TRPM3: variants seen among roughly 807,000 people sequenced by gnomAD.
TRPM3 encodes long transient receptor potential channel 3.
Under a neutral mutation model 181.2 loss-of-function variants are expected in TRPM3, and 77 were observed. The observed-to-expected ratio is 0.42, with a 90% CI of 0.35 to 0.51. The LOEUF (loss-of-function observed/expected upper bound fraction) is 0.51. Ranked by LOEUF, TRPM3 falls within the 20% of genes least tolerant of loss-of-function variation. TRPM3 has a pLI of 0.01. For synonymous variants in TRPM3, 745 were observed against 796.4 expected (o/e 0.94, Z 1.09); for missense variants, 1,759 against 2,196.7 (o/e 0.80, Z 3.98).
chr9:70,887,586 G>C (rs1232305839), intron 1 of TRPM3, among the ~76,000 whole-genome samples: 3 of 152,156 alleles, frequency 2.0e-5, no homozygotes, highest in African/African-American at 7.2e-5. Context: ...GGTATGATAA[G>C]AAGAGGCTTC....
chr9:70,547,158 T>C (rs928710965), intron 25 of TRPM3, among the ~76,000 whole-genome samples: 2 of 152,234 alleles, frequency 1.3e-5, no homozygotes, highest in South Asian at 2.1e-4. Flanking sequence ...CTTAATGTTG[T>C]TGATTTCAAA....
At chr9:70,613,751 G>A (rs911942154) in intron 18 of TRPM3, among the ~76,000 whole-genome samples, 5 of 152,184 alleles carry the variant, frequency 3.3e-5, no homozygotes, top group African/African-American at 9.7e-5. Flanking sequence ...AGTAAACAAC[G>A]TCAGGGTCTA....
intron 19 of TRPM3, among the ~76,000 whole-genome samples, chr9:70,609,277 A>T (rs2061667420): frequency 3.9e-5 from 6 of 152,226 alleles, no homozygotes; most frequent in Admixed American, 3.9e-4. Context: ...TGTTTTCTGC[A>T]AGGTTAAAAA....
intron 1 of TRPM3, among the ~76,000 whole-genome samples, chr9:70,966,724 C>T (rs1481658518): frequency 1.3e-5 from 2 of 151,910 alleles, no homozygotes; most frequent in African/African-American, 2.4e-5. Context: ...GGGAACACCA[C>T]ACATTGGGGT....
chr9:70,664,393 T>C (rs528922692), intron 9 of TRPM3, among the ~76,000 whole-genome samples: 4 of 152,274 alleles, frequency 2.6e-5, no homozygotes, highest in Admixed American at 2.0e-4. Flanking sequence ...ATTGAGGCTT[T>C]CTTTTCAGAC....
At position 71,292,789 on chromosome 9, in the gene TRPM3, T is replaced by A. The variant is rs1001577211; in HGVS notation, c.183+153864A>T. ...AAAGGGGAGAAATACTTCTACAAAT[T>A]TTTTACAAGTCTAACTTTTGATACT... On this transcript the variant is annotated intron_variant, in intron 1 of 24. Transcript: ENST00000357533. Among the ~76,000 whole-genome samples, 15 of 151,976 alleles carry A rather than the reference T, an allele frequency of 9.9e-5. No homozygotes were observed. The South Asian group carries it at 2.9e-3, about 29-fold the overall frequency.
At chr9:71,246,084 G>C (rs531046323) in intron 1 of TRPM3, among the ~76,000 whole-genome samples, 80 of 152,126 alleles carry the variant, frequency 5.3e-4, no homozygotes, top group Non-Finnish European at 9.8e-4. Context: ...CTTGGATTGG[G>C]GGTTTGGGAA....
chr9:70,932,650 G>T (rs1468922234), intron 1 of TRPM3, among the ~76,000 whole-genome samples: 3 of 152,170 alleles, frequency 2.0e-5, no homozygotes, highest in Non-Finnish European at 4.4e-5. Context: ...CAGGCTGAGA[G>T]AAACAGCATG....
At chr9:71,154,535 A>G (rs560381704) in intron 1 of TRPM3, among the ~76,000 whole-genome samples, 2 of 152,244 alleles carry the variant, frequency 1.3e-5, no homozygotes, top group South Asian at 2.1e-4. Context: ...TGGGTAGACT[A>G]AAACACAACT....
intron 1 of TRPM3, among the ~76,000 whole-genome samples, chr9:71,407,347 A>G (rs1413332946): frequency 2.0e-5 from 3 of 152,170 alleles, no homozygotes; most frequent in Admixed American, 1.3e-4. Context: ...GACAGCTGGT[A>G]CCTGGAAAAC....
At chr9:71,178,680 G>A (rs1487249281) in intron 1 of TRPM3, among the ~76,000 whole-genome samples, 1 of 152,110 alleles carries the variant, frequency 6.6e-6, no homozygotes, top group Non-Finnish European at 1.5e-5. Context: ...TAAAACGCAG[G>A]AAAATTCTGA....
intron 8 of TRPM3, among the ~76,000 whole-genome samples, chr9:70,738,712 TAAAC>T: frequency 6.6e-6 from 1 of 152,266 alleles, no homozygotes; most frequent in East Asian, 1.9e-4. Flanking sequence ...TTTGAAAAGA[TAAAC>T]AAAATTGACA....
At chr9:70,824,924 C>T (rs950215155) in intron 6 of TRPM3, 1 of 152,138 alleles carries the variant, frequency 6.6e-6, no homozygotes, top group African/African-American at 2.4e-5. Context: ...TCTCAGTGAG[C>T]ATTTTTTGCT....
chr9:71,200,231 TGA>T (rs2078687681), intron 1 of TRPM3, among the ~76,000 whole-genome samples: 1 of 152,102 alleles, frequency 6.6e-6, no homozygotes, highest in Admixed American at 6.6e-5. Context: ...CACTGTGGTC[TGA>T]GAGACAGTTT....
intron 1 of TRPM3, among the ~76,000 whole-genome samples, chr9:71,335,539 G>A (rs958221841): frequency 6.6e-6 from 1 of 151,968 alleles, no homozygotes; most frequent in Non-Finnish European, 1.5e-5. Context: ...TCACTGATAT[G>A]AAACAATTCT....
rs1201484604 is a variant in TRPM3 at position 70,533,553 on chromosome 9, AC to A, written c.*2399del. 1 of 152,094 alleles carries A rather than the reference AC, an allele frequency of 6.6e-6. No homozygotes were observed. Among genetic ancestry groups the A allele is most frequent in the Non-Finnish European group, 1.5e-5 (1 of 68,004 alleles). The allele number at this position is 152,094 out of a possible 1,614,324, so 9.4% of individuals were successfully genotyped here. ...TCAATATAGAACCAGGGGCTCATGA[AC>A]CCTTTCAAGTTATATTGCAACTTTG... On this transcript the variant is annotated 3_prime_UTR_variant, in exon 26 of 26. Transcript: ENST00000677713.
At chr9:70,822,546 G>A (rs1403283090) in intron 6 of TRPM3, among the ~76,000 whole-genome samples, 1 of 152,038 alleles carries the variant, frequency 6.6e-6, no homozygotes, top group Non-Finnish European at 1.5e-5. Context: ...TTGGGGGAGG[G>A]GGTAATGTGT....
chr9:70,872,103 T>C (rs1225931034), intron 1 of TRPM3, among the ~76,000 whole-genome samples: 1 of 151,918 alleles, frequency 6.6e-6, no homozygotes, highest in East Asian at 1.9e-4. Flanking sequence ...TTAGCAAACG[T>C]TTTCTGCTAA....
intron 3 of TRPM3, among the ~76,000 whole-genome samples, chr9:70,847,246 T>C (rs115819414): frequency 2.2e-3 from 329 of 152,274 alleles, no homozygotes; most frequent in African/African-American, 7.6e-3. Context: ...ATAATAAGTC[T>C]ATATAAATGA....
Sources: gnomAD v4.1 joint callset for allele counts (sites outside exome capture counted in the v4.1 genomes callset) on GRCh38, gnomAD v4.1.1 for gene constraint, MANE v1.5 for transcripts, NCBI Gene and HGNC (gene_info 2026-07-23, HGNC 2026-07-21) for gene names.